The following CSMD3 variants were observed in gnomAD, a reference collection of about 807,000 sequenced individuals.
CSMD3 encodes the protein CUB and sushi domain-containing protein 3.
In CSMD3, 177 loss-of-function variants were observed where a neutral mutation model predicts 435.2. That is an observed-to-expected ratio of 0.41 (90% CI 0.36 to 0.46). The LOEUF is 0.46. CSMD3 is among the 20% of genes least tolerant of loss of function. The pLI is 0.34. For synonymous variants in CSMD3, 1,656 were observed against 1,520.5 expected (o/e 1.09, Z -2.07); for missense variants, 4,265 against 4,504.6 (o/e 0.95, Z 1.52).
At chr8:113,397,643 C>T (rs181551810) in intron 1 of CSMD3, among the ~76,000 whole-genome samples, 120 of 151,546 alleles carry the variant, frequency 7.9e-4, no homozygotes, top group Admixed American at 2.4e-3. Context: ...GGTGAAACCC[C>T]GTCTCTAGTA....
Position 112,519,392 on chromosome 8 carries a change from G to A in CSMD3, c.4565-2167C>T, listed in dbSNP as rs531155905. The stretch of plus-strand genomic sequence containing the variant: ...ATGTTATAACATCAAAATATAATTC[G>A]AGTTTGACCTGTAAAATCCCATGAA... On this transcript the variant is annotated intron_variant, in intron 27 of 70. Coordinates refer to ENST00000297405, the MANE Select transcript of CSMD3 (RefSeq NM_198123.2). Among the ~76,000 whole-genome samples, 3 of 152,096 alleles carry A rather than the reference G, an allele frequency of 2.0e-5. No individual in the cohort carries two copies. In the South Asian group the frequency reaches 6.2e-4, roughly 32 times the overall value.
At chr8:113,038,181 A>C (rs1399183696) in intron 5 of CSMD3, among the ~76,000 whole-genome samples, 1 of 152,220 alleles carries the variant, frequency 6.6e-6, no homozygotes, top group Non-Finnish European at 1.5e-5. Context: ...ATTTAAAGAT[A>C]TCAAAGATGA....
chr8:112,311,582 A>T (rs916663710), intron 49 of CSMD3, among the ~76,000 whole-genome samples: 2 of 152,066 alleles, frequency 1.3e-5, no homozygotes, highest in African/African-American at 4.8e-5. Context: ...ATATCCAGAC[A>T]CCTCTACCAT....
intron 6 of CSMD3, among the ~76,000 whole-genome samples, chr8:112,998,958 T>C (rs577470251): frequency 1.3e-5 from 2 of 152,120 alleles, no homozygotes; most frequent in South Asian, 4.1e-4. Context: ...TGCAGAACCA[T>C]GAGCCAATTA....
At chr8:112,599,881 AG>A (rs67082061) in intron 22 of CSMD3, among the ~76,000 whole-genome samples, 57,442 of 95,440 alleles carry the variant, frequency 0.6, 16,317 homozygotes, top group African/African-American at 0.69. Context: ...GGGTGGGGGG[AG>A]GGGGGAGGGA....
At chr8:112,959,361 G>T (rs192461971) in intron 7 of CSMD3, among the ~76,000 whole-genome samples, 1 of 151,950 alleles carries the variant, frequency 6.6e-6, no homozygotes, top group Admixed American at 6.6e-5. Context: ...CTCTAACTTT[G>T]TATTTATTTT....
At chr8:112,416,764 G>A (rs1408011857) in intron 32 of CSMD3, among the ~76,000 whole-genome samples, 1 of 151,896 alleles carries the variant, frequency 6.6e-6, no homozygotes, top group Non-Finnish European at 1.5e-5. Context: ...TTTTCTCAGA[G>A]GGGAATAATT....
chr8:112,387,127 A>G (rs1394041422), intron 36 of CSMD3, among the ~76,000 whole-genome samples: 1 of 152,188 alleles, frequency 6.6e-6, no homozygotes, highest in Non-Finnish European at 1.5e-5. Context: ...CTGCTAAAAT[A>G]AACAAACAAA....
intron 20 of CSMD3, among the ~76,000 whole-genome samples, chr8:112,640,741 G>A (rs1375929159): frequency 6.6e-6 from 1 of 151,856 alleles, no homozygotes; most frequent in Non-Finnish European, 1.5e-5. Flanking sequence ...TTTTGACATA[G>A]TAAAGAGAAG....
At chr8:112,988,380 T>C (rs78972641) in intron 6 of CSMD3, among the ~76,000 whole-genome samples, 7,071 of 152,148 alleles carry the variant, frequency 0.046, 229 homozygotes, top group Non-Finnish European at 0.069. Context: ...CATATCTCAA[T>C]AGCTTATTTT....
chr8:112,712,941 T>G (rs2131928590), intron 13 of CSMD3, among the ~76,000 whole-genome samples: 1 of 152,206 alleles, frequency 6.6e-6, no homozygotes, highest in African/African-American at 2.4e-5. Flanking sequence ...AAATAGATTC[T>G]AAGGGGCAGG....
chr8:112,331,650 A>G (rs1404918731), intron 45 of CSMD3, among the ~76,000 whole-genome samples: 1 of 152,016 alleles, frequency 6.6e-6, no homozygotes, highest in Non-Finnish European at 1.5e-5. Context: ...AAAATACACA[A>G]AAATATTGAA....
At chr8:113,123,977 C>A (rs962118424) in intron 4 of CSMD3, among the ~76,000 whole-genome samples, 3 of 151,974 alleles carry the variant, frequency 2.0e-5, no homozygotes, top group African/African-American at 7.2e-5. Flanking sequence ...CCATACTGGG[C>A]AATCACCTTT....
chr8:113,257,896 A>G (rs7833144), intron 3 of CSMD3, among the ~76,000 whole-genome samples: 23 of 151,654 alleles, frequency 1.5e-4, no homozygotes, highest in Non-Finnish European at 2.8e-4. Flanking sequence ...TAAGAAAAAA[A>G]TTTTTTTTAA....
At chr8:113,149,337 G>A (rs2091752821) in intron 4 of CSMD3, among the ~76,000 whole-genome samples, 1 of 151,750 alleles carries the variant, frequency 6.6e-6, no homozygotes, top group African/African-American at 2.4e-5. Flanking sequence ...GCATCTTTCA[G>A]ATTCATTGTC....
chr8:112,747,933 C>T (rs370835823), intron 13 of CSMD3, among the ~76,000 whole-genome samples: 108 of 145,300 alleles, frequency 7.4e-4, no homozygotes, highest in Middle Eastern at 3.7e-3. Context: ...ACAGCACTCC[C>T]GCCTGGGCGA....
chr8:112,556,980 A>T, intron 24 of CSMD3, 26 bp from the exon 25 acceptor site: 1 of 1,477,966 alleles, frequency 6.8e-7, no homozygotes. Context: ...AAATTGATTA[A>T]AGGCAAAATT....
intron 1 of CSMD3, among the ~76,000 whole-genome samples, chr8:113,433,869 T>C (rs1369361012): frequency 1.3e-5 from 2 of 152,088 alleles, no homozygotes; most frequent in East Asian, 3.9e-4. Flanking sequence ...TGTGTGTGTG[T>C]GTGCGTGTGT....
chr8:112,975,894 GTCT>G lies in CSMD3; in HGVS notation c.1282_1284del (p.Arg428del), dbSNP rs1564168536. ...CTTTCTATCTGTTCAGCATGTCTTGGTCTTCTCCTGGTACTTTGTGTATCTGCT... is the reference window on the plus strand; with the variant it reads ...CTTTCTATCTGTTCAGCATGTCTTGGTCTCCTGGTACTTTGTGTATCTGCT... On this transcript the variant is annotated inframe_deletion, in exon 7 of 71. Coordinates refer to ENST00000297405, the MANE Select transcript of CSMD3 (RefSeq NM_198123.2). 1.2e-6 allele frequency: 2 copies of G among 1,613,908 alleles called. No individual in the cohort carries two copies. The highest frequency in any genetic ancestry group is 2.2e-5 in the South Asian group (2 of 91,088).
Sources: gnomAD v4.1 joint callset for allele counts (sites outside exome capture counted in the v4.1 genomes callset) on GRCh38, gnomAD v4.1.1 for gene constraint, MANE v1.5 for transcripts, NCBI Gene and HGNC (gene_info 2026-07-23, HGNC 2026-07-21) for gene names.